CDH18: variants seen among roughly 807,000 people sequenced by gnomAD.
The protein encoded by CDH18 is cadherin 18.
In CDH18, 31 loss-of-function variants were observed where a neutral mutation model predicts 67.9. The ratio of observed to expected loss-of-function variants is 0.46; its 90% CI spans 0.34 to 0.62. The LOEUF is 0.62. CDH18 is among the 20% of genes least tolerant of loss of function. The pLI is 0.01. For missense variants in CDH18, 890 were observed against 975.5 expected (o/e 0.91, Z 1.17); for synonymous variants, 362 against 347.2 (o/e 1.04, Z -0.48).
At chr5:19,605,582 T>C (rs1474733079) in intron 6 of CDH18, among the ~76,000 whole-genome samples, 2 of 152,032 alleles carry the variant, frequency 1.3e-5, no homozygotes, top group African/African-American at 4.8e-5. Context: ...AATCTGGATA[T>C]GATGGAGGGG....
intron 2 of CDH18, among the ~76,000 whole-genome samples, chr5:20,116,726 C>A (rs1561803519): frequency 6.6e-6 from 1 of 152,010 alleles, no homozygotes; most frequent in Non-Finnish European, 1.5e-5. Context: ...ATAATCACAA[C>A]ATGACCAACA....
intron 2 of CDH18, among the ~76,000 whole-genome samples, chr5:20,163,807 C>G (rs1188796961): frequency 6.6e-6 from 1 of 152,146 alleles, no homozygotes; most frequent in Non-Finnish European, 1.5e-5. Context: ...CATACAACAA[C>G]CCATGAAACA....
chr5:19,550,145 GA>G (rs886549019), intron 8 of CDH18, among the ~76,000 whole-genome samples: 13 of 148,826 alleles, frequency 8.7e-5, no homozygotes, highest in Middle Eastern at 3.5e-3. Flanking sequence ...GAAAAAGAGA[GA>G]AAAAAAAAGA....
At chr5:19,994,726 TATATATATATATAGAGAG>T (rs1397475490) in intron 2 of CDH18, among the ~76,000 whole-genome samples, 19 of 23,424 alleles carry the variant, frequency 8.1e-4, no homozygotes, top group South Asian at 5.8e-3. Flanking sequence ...TATATATATA[TATATATATATATAGAGAG>T]AGAGAGAGAG....
chr5:19,990,063 C>T (rs545722644), upstream of CDH18, among the ~76,000 whole-genome samples: 13 of 152,226 alleles, frequency 8.5e-5, no homozygotes, highest in African/African-American at 3.1e-4. Flanking sequence ...AGTGTCCAGA[C>T]ACAAATTCTT....
At chr5:20,009,132 G>A (rs1737180683) in intron 2 of CDH18, among the ~76,000 whole-genome samples, 3 of 152,014 alleles carry the variant, frequency 2.0e-5, no homozygotes, top group Admixed American at 1.3e-4. Flanking sequence ...TATACAGGAC[G>A]AAGGACAAAC....
chr5:20,035,985 AT>A (rs970640364), intron 2 of CDH18, among the ~76,000 whole-genome samples: 2 of 151,888 alleles, frequency 1.3e-5, no homozygotes, highest in African/African-American at 4.8e-5. Context: ...GGTTTTAGTC[AT>A]TTTTTGTTGA....
intron 1 of CDH18, among the ~76,000 whole-genome samples, chr5:20,297,882 C>T (rs1380524123): frequency 6.6e-6 from 1 of 152,160 alleles, no homozygotes; most frequent in Non-Finnish European, 1.5e-5. Context: ...GTAGTTTCCT[C>T]TCAGTCAAAT....
chr5:19,883,044 T>G (rs1009094721), intron 2 of CDH18, among the ~76,000 whole-genome samples: 8 of 152,258 alleles, frequency 5.3e-5, no homozygotes, highest in African/African-American at 1.2e-4. Flanking sequence ...CAAGGTAGTT[T>G]AACCCTGAAA....
At chr5:20,517,398 A>G (rs945970627) in intron 1 of CDH18, among the ~76,000 whole-genome samples, 1 of 151,798 alleles carries the variant, frequency 6.6e-6, no homozygotes, top group African/African-American at 2.4e-5. Flanking sequence ...ACAAATGAAT[A>G]AATGTGAATA....
chr5:19,528,038 T>C (rs1431895837), intron 9 of CDH18, among the ~76,000 whole-genome samples: 5 of 151,922 alleles, frequency 3.3e-5, no homozygotes, highest in Middle Eastern at 3.4e-3. Context: ...AGTAATTACA[T>C]TGAGAGAATG....
intron 1 of CDH18, among the ~76,000 whole-genome samples, chr5:20,547,036 T>C (rs2126608320): frequency 6.6e-6 from 1 of 152,158 alleles, no homozygotes; most frequent in South Asian, 2.1e-4. Flanking sequence ...AACACAGAGA[T>C]GGCGCTAGTG....
At chr5:19,503,150 C>G (rs767554261) in intron 10 of CDH18, 41 bp from the exon 11 acceptor site, 1 of 989,116 alleles carries the variant, frequency 1.0e-6, no homozygotes, top group South Asian at 1.4e-5. Flanking sequence ...TTTAATTTTG[C>G]TTGTTCTCTT....
intron 2 of CDH18, among the ~76,000 whole-genome samples, chr5:20,110,211 T>C (rs1198174665): frequency 1.3e-5 from 2 of 152,240 alleles, no homozygotes; most frequent in African/African-American, 2.4e-5. Context: ...GTACATAATG[T>C]ACAAAAATTA....
At chr5:20,342,281 G>C (rs561720940) in intron 1 of CDH18, among the ~76,000 whole-genome samples, 1 of 152,192 alleles carries the variant, frequency 6.6e-6, no homozygotes, top group African/African-American at 2.4e-5. Flanking sequence ...TGTAAACTCT[G>C]ATGAACCTAT....
chr5:20,517,625 C>T (rs1266079421), intron 1 of CDH18, among the ~76,000 whole-genome samples: 1 of 151,886 alleles, frequency 6.6e-6, no homozygotes. Context: ...TAATTTAAAG[C>T]ATAGTCTCTG....
chr5:20,231,457 AGGGTG>A (rs1349023978), intron 2 of CDH18, among the ~76,000 whole-genome samples: 3 of 151,728 alleles, frequency 2.0e-5, no homozygotes, highest in Non-Finnish European at 4.4e-5. Flanking sequence ...AAAAATTAGC[AGGGTG>A]GGGTGGCGCT....
At chr5:19,967,211 A>C (rs559336359) in intron 2 of CDH18, among the ~76,000 whole-genome samples, 9 of 152,184 alleles carry the variant, frequency 5.9e-5, no homozygotes, top group African/African-American at 2.2e-4. Context: ...TTGATTCAGA[A>C]ATTTGCATCT....
At chr5:20,282,552 C>A (rs933462370) in intron 1 of CDH18, among the ~76,000 whole-genome samples, 1 of 152,124 alleles carries the variant, frequency 6.6e-6, no homozygotes, top group Non-Finnish European at 1.5e-5. Context: ...CCTTGCATCC[C>A]AGGGATGAAG....
Sources: allele counts gnomAD v4.1 joint callset (sites outside exome capture counted in the v4.1 genomes callset), GRCh38; gene constraint gnomAD v4.1.1; transcripts MANE v1.5; gene names NCBI Gene and HGNC (gene_info 2026-07-23, HGNC 2026-07-21).